The following MED16 variants were observed in gnomAD, a reference collection of about 807,000 sequenced individuals.
MED16 encodes the protein mediator complex subunit 16.
Under a neutral mutation model 84.4 loss-of-function variants are expected in MED16, and 81 were observed. That is an observed-to-expected ratio of 0.96 (90% confidence interval 0.80 to 1.15). The LOEUF (loss-of-function observed/expected upper bound fraction) is 1.15, where lower values mean the gene tolerates loss of function less well. Among genes scored for constraint, MED16 ranks in the 50% most tolerant of loss-of-function variants. MED16 has a pLI of 0.00. For missense variants in MED16, 1,585 were observed against 1,245.9 expected, an observed-to-expected ratio of 1.27 and a Z score of -4.10; for synonymous variants, 897 against 552.2, an observed-to-expected ratio of 1.62 and a Z score of -8.76.
intron 12 of MED16, chr19:871,636 A>C: frequency 1.9e-6 from 3 of 1,592,652 alleles, no homozygotes; most frequent in Non-Finnish European, 2.5e-6. Context: ...AAAAGCACCC[A>C]CACAGAGCAT....
In MED16 at chr19:873,535, C is replaced by G. The variant is rs1212912053; in HGVS notation, c.1819G>C (p.Asp607His). 1 of 1,612,364 alleles carries G rather than the reference C, an allele frequency of 6.2e-7. No homozygotes were observed. The highest frequency in any genetic ancestry group is 1.3e-5 in the African/African-American group (1 of 74,978). Reference sequence around the variant, plus strand: ...TGCAGCGCCTGCAGTGTGTTCATGTCCAGCACAAATTCCTCCGTCTTGAGG... The same window carrying G: ...TGCAGCGCCTGCAGTGTGTTCATGTGCAGCACAAATTCCTCCGTCTTGAGG... ...INLKTEEFVL[D>H]MNTLQALQQL... The change falls in exon 11 of 16, where the codon GAC becomes CAC. Residue 607 changes from aspartate (D) to histidine (H), a missense_variant. Asp to His is a moderately conservative substitution (Grantham distance 81, BLOSUM62 -1). Coordinates refer to ENST00000325464, the MANE Select transcript of MED16 (RefSeq NM_005481.3).
At chr19:870,437 T>C (rs2036019205) in intron 13 of MED16, among the ~76,000 whole-genome samples, 1 of 151,952 alleles carries the variant, frequency 6.6e-6, no homozygotes, top group Non-Finnish European at 1.5e-5. Flanking sequence ...GGCTCATGCC[T>C]GTAATCCCAG....
chr19:869,875 G>A (rs191955001), intron 13 of MED16, among the ~76,000 whole-genome samples: 5 of 152,330 alleles, frequency 3.3e-5, no homozygotes, highest in Admixed American at 2.0e-4. Context: ...TTCAAATCCT[G>A]ACTCGGCCAC....
At chr19:889,900 T>C in intron 3 of MED16, 93 bp from the exon 4 acceptor site, 2 of 1,441,698 alleles carry the variant, frequency 1.4e-6, no homozygotes, top group Admixed American at 2.1e-5. Flanking sequence ...GCCAGCCCAG[T>C]GGAGAGGTCT....
chr19:884,973 GA>G lies in MED16; in HGVS notation c.914del (p.Ile305ThrfsTer14). On this transcript the variant is annotated frameshift_variant, in exon 6 of 16. Coordinates refer to ENST00000325464, the MANE Select transcript of MED16 (RefSeq NM_005481.3). LOFTEE classifies it high-confidence loss of function. ...CCTTGCGCAGGGACCAGCACTCCAC[GA>G]TGCTGCTGGTCTGGCTGGACGCGCA... ...LLCASSQTSS[I>X]VECWSLRKEG... 1.2e-6 allele frequency: 2 copies of G among 1,607,972 alleles called. No individual in the cohort carries two copies. Among genetic ancestry groups the G allele is most frequent in the Non-Finnish European group, 1.7e-6 (2 of 1,178,932 alleles).
At chr19:886,786 G>A (rs753481390) in intron 4 of MED16, among the ~76,000 whole-genome samples, 1 of 152,202 alleles carries the variant, frequency 6.6e-6, no homozygotes, top group African/African-American at 2.4e-5. Flanking sequence ...TTTAAAAGAT[G>A]GGGTCTTGGC....
intron 6 of MED16, 84 bp downstream of exon 6, chr19:884,819 G>T: frequency 1.8e-6 from 2 of 1,084,664 alleles, no homozygotes; most frequent in Non-Finnish European, 2.7e-6. Context: ...CACCCTGGGT[G>T]ACACAGCAAG....
intron 7 of MED16, 47 bp from the exon 8 acceptor site, chr19:880,195 G>A (rs755693304): frequency 4.4e-5 from 67 of 1,522,872 alleles, no homozygotes; most frequent in South Asian, 2.8e-4. Context: ...CCCAGGACAC[G>A]CCCGCCGGGG....
chr19:882,325 C>T (rs1413045004), intron 6 of MED16, among the ~76,000 whole-genome samples: 1 of 152,174 alleles, frequency 6.6e-6, no homozygotes, highest in Non-Finnish European at 1.5e-5. Context: ...CTGGACAACA[C>T]AGCAAGACCC....
At chr19:870,388 G>T (rs539295109) in intron 13 of MED16, among the ~76,000 whole-genome samples, 1 of 151,976 alleles carries the variant, frequency 6.6e-6, no homozygotes, top group Non-Finnish European at 1.5e-5. Context: ...TTGCAAAACC[G>T]CCTCTATACC....
Position 884,929 on chromosome 19 carries a change from T to C in MED16, c.959A>G (p.Asn320Ser), listed in dbSNP as rs978426020. The C allele has an allele frequency of 1.3e-5, 21 of 1,609,350 alleles. No individual in the cohort carries two copies. Among genetic ancestry groups the C allele is most frequent in the Middle Eastern group, 3.3e-4 (2 of 6,080 alleles). The change falls in exon 6 of 16, where the codon AAC becomes AGC. Residue 320 changes from asparagine (N) to serine (S), a missense_variant. Coordinates refer to ENST00000325464, the MANE Select transcript of MED16 (RefSeq NM_005481.3). ...SLRKEGLPVN[N>S]IFQQISPVVG... ...CACGGGGGAGATCTGCTGGAAGATG[T>C]TGTTCACGGGGAGTCCCTCCTTGCG...
At chr19:876,351 G>A (rs984945450) in intron 9 of MED16, among the ~76,000 whole-genome samples, 3 of 152,032 alleles carry the variant, frequency 2.0e-5, no homozygotes, top group African/African-American at 7.2e-5. Context: ...CTCTCCTTCC[G>A]ACGGGCGGGT....
At chr19:886,334 G>C in intron 4 of MED16, 133 bp from the exon 5 acceptor site, 1 of 753,556 alleles carries the variant, frequency 1.3e-6, no homozygotes, top group Non-Finnish European at 2.0e-6. Context: ...ATCCTGACTC[G>C]GCCACCTGAG....
intron 4 of MED16, among the ~76,000 whole-genome samples, chr19:887,868 G>C (rs1279137696): frequency 6.6e-6 from 1 of 151,852 alleles, no homozygotes; most frequent in East Asian, 1.9e-4. Context: ...GATGGATCAG[G>C]GTGATGCAGG....
At chr19:884,769 G>A (rs573655336) in intron 6 of MED16, 134 bp downstream of exon 6, 15 of 677,978 alleles carry the variant, frequency 2.2e-5, no homozygotes, top group Middle Eastern at 2.4e-4. Context: ...CACTACTGGA[G>A]ATCGAGGCGA....
intron 7 of MED16, among the ~76,000 whole-genome samples, chr19:880,371 C>T (rs1365382575): frequency 1.3e-5 from 2 of 152,242 alleles, no homozygotes; most frequent in Non-Finnish European, 2.9e-5. Context: ...CCACACTGCT[C>T]CCAGCCCCTC....
chr19:882,781 G>A (rs536656292), intron 6 of MED16, among the ~76,000 whole-genome samples: 2 of 152,374 alleles, frequency 1.3e-5, no homozygotes, highest in East Asian at 3.9e-4. Context: ...CTCGGCTGAA[G>A]CTGACTACCA....
rs191639025 is a variant in MED16, at chr19:874,347, C to T, written c.1772-765G>A. Among the ~76,000 whole-genome samples, 16 of 152,296 alleles carry T rather than the reference C, an allele frequency of 1.1e-4. No homozygotes were observed. In the East Asian group the frequency reaches 1.4e-3, roughly 13 times the overall value. ...CAGGATGATCTCGATCTCCTGACCT[C>T]GTGATCAGCCCGCGTTGGCCTCCCA... On this transcript the variant is annotated intron_variant, in intron 10 of 15. Transcript: ENST00000325464.
At chr19:882,116 G>A (rs2036432776) in intron 6 of MED16, among the ~76,000 whole-genome samples, 1 of 152,250 alleles carries the variant, frequency 6.6e-6, no homozygotes, top group Non-Finnish European at 1.5e-5. Flanking sequence ...CATGCGGGAT[G>A]GTCGCACCCA....
Sources: gnomAD v4.1 joint callset for allele counts (sites outside exome capture counted in the v4.1 genomes callset) on GRCh38, gnomAD v4.1.1 for gene constraint, MANE v1.5 for transcripts, NCBI Gene and HGNC (gene_info 2026-07-23, HGNC 2026-07-21) for gene names.